Variants in MYH14 observed in about 807,000 individuals in gnomAD.
MYH14 encodes the protein myosin-14.
Under a neutral mutation model 255.5 loss-of-function variants are expected in MYH14, and 123 were observed. That is an observed-to-expected ratio of 0.48 (90% confidence interval 0.42 to 0.56). The LOEUF is 0.56. Ranked by LOEUF, MYH14 falls within the 20% of genes least tolerant of loss-of-function variation. The pLI is 0.00. For missense variants in MYH14, 2,423 were observed against 2,802.3 expected (o/e 0.86, Z 3.06); for synonymous variants, 1,095 against 1,161.2 (o/e 0.94, Z 1.16).
At chr19:50,298,871 C>T (rs2036377069) in intron 39 of MYH14, among the ~76,000 whole-genome samples, 1 of 152,060 alleles carries the variant, frequency 6.6e-6, no homozygotes, top group Non-Finnish European at 1.5e-5. Context: ...TGCTTGAGAC[C>T]AAGAGTTCAA....
At chr19:50,275,865 C>A in intron 27 of MYH14, 126 bp from the exon 28 acceptor site, 1 of 702,478 alleles carries the variant, frequency 1.4e-6, no homozygotes, top group Non-Finnish European at 2.4e-6. Context: ...TGCCCAGTGG[C>A]AGAGAGAGGA....
At chr19:50,219,174 C>A (rs1023825649) in intron 3 of MYH14, among the ~76,000 whole-genome samples, 1 of 148,164 alleles carries the variant, frequency 6.7e-6, no homozygotes, top group Non-Finnish European at 1.5e-5. Flanking sequence ...CACAGTTTAT[C>A]TACTCGTTGG....
chr19:50,259,771 G>A (rs11084009), intron 19 of MYH14, among the ~76,000 whole-genome samples: 69,414 of 151,904 alleles, frequency 0.46, 16,325 homozygotes, highest in Admixed American at 0.59. Flanking sequence ...CCAGCTACTC[G>A]GGAGGCTGAG....
rs2034449009 is a variant in MYH14, at chr19:50,252,720, A to G, written c.1912A>G (p.Thr638Ala). 1.3e-6 allele frequency: 2 copies of G among 1,599,330 alleles called. No individual in the cohort carries two copies. Among genetic ancestry groups the G allele is most frequent in the Non-Finnish European group, 1.7e-6 (2 of 1,173,326 alleles). ...CGTCGCAGCCTTGCTCCACCAGAGC[A>G]CAGACCGGCTGACGGCAGAGATCTG... ...DNVAALLHQS[T>A]DRLTAEIWKD... Residue 638 changes from threonine to alanine, a missense_variant, in exon 16 of 43, where the codon ACA (threonine) becomes GCA (alanine). Thr to Ala is a moderately conservative substitution (Grantham distance 58). Transcript: ENST00000642316. This position sits in a 1 kb window ranked among gnomAD's most constrained non-coding sequence, Gnocchi z 4.2.
At chr19:50,245,192 G>A (rs2034053884) in intron 11 of MYH14, among the ~76,000 whole-genome samples, 1 of 151,984 alleles carries the variant, frequency 6.6e-6, no homozygotes, top group Non-Finnish European at 1.5e-5. Context: ...GCCAAGGCAG[G>A]CAGATCACTT....
intron 21 of MYH14, 105 bp from the exon 22 acceptor site, chr19:50,263,207 A>C: frequency 1.2e-6 from 1 of 805,988 alleles, no homozygotes; most frequent in Non-Finnish European, 1.8e-6. Context: ...TCAGAAAAAC[A>C]AACAAACAAA....
chr19:50,235,349 C>T (rs548260787), intron 10 of MYH14, among the ~76,000 whole-genome samples: 2 of 149,450 alleles, frequency 1.3e-5, no homozygotes, highest in African/African-American at 2.5e-5. Context: ...GAGCGAGACT[C>T]CATCCAAAAA....
intron 20 of MYH14, 62 bp downstream of exon 20, chr19:50,260,777 G>T (rs549675952): frequency 6.5e-6 from 8 of 1,223,428 alleles, no homozygotes; most frequent in Non-Finnish European, 9.4e-6. Flanking sequence ...ATGAGTGTGC[G>T]TGCATGTGTG....
In MYH14 at chr19:50,309,318, G is replaced by A. The variant is rs1418945626; in HGVS notation, c.5960+141G>A. 9 of 846,308 alleles carry A rather than the reference G, an allele frequency of 1.1e-5. No individual in the cohort carries two copies. In the East Asian group the frequency reaches 2.3e-4, roughly 21 times the overall value. 52.4% of individuals were successfully genotyped at this position (846,308 alleles called of 1,614,324 possible). ...GTGGGGCTGTGGGAGCAGCGGCTGTGTTGCGGGAGAGCCAAATCCAGGTAA... is the reference window on the plus strand; with the variant it reads ...GTGGGGCTGTGGGAGCAGCGGCTGTATTGCGGGAGAGCCAAATCCAGGTAA... On this transcript the variant is annotated intron_variant, in intron 42 of 42. Coordinates refer to ENST00000642316, the MANE Select transcript of MYH14 (RefSeq NM_001145809.2).
At chr19:50,238,576 C>G (rs547377520) in intron 10 of MYH14, among the ~76,000 whole-genome samples, 1 of 152,002 alleles carries the variant, frequency 6.6e-6, no homozygotes, top group East Asian at 1.9e-4. Context: ...TTCAGCCTCC[C>G]GAGCAGCTGA....
intron 1 of MYH14, 119 bp from the exon 2 acceptor site, chr19:50,210,244 A>G: frequency 1.1e-6 from 1 of 910,872 alleles, no homozygotes; most frequent in South Asian, 1.9e-5. Flanking sequence ...TTGCAGAAGT[A>G]TGGCAAGAGG....
chr19:50,271,587 G>A lies in MYH14; in HGVS notation c.3171+41G>A, dbSNP rs774931624. The A allele has an allele frequency of 6.9e-6, 11 of 1,585,762 alleles. No individual in the cohort carries two copies. The African/African-American group carries it at 8.1e-5, about 12-fold the overall frequency. On this transcript the variant is annotated intron_variant, in intron 25 of 42. Transcript: ENST00000642316. ...GCAGCTGGGAAAGTGGGGATGGGGT[G>A]CATTGGTGGGTTAATGAATGGTGAA...
At chr19:50,254,444 G>A (rs1212470111) in intron 16 of MYH14, among the ~76,000 whole-genome samples, 25 of 152,126 alleles carry the variant, frequency 1.6e-4, no homozygotes, top group Admixed American at 1.6e-3. Context: ...TCATCTCCCG[G>A]CTGAAAATCT....
Position 50,210,566 on chromosome 19 carries a change from G to A in MYH14, c.201G>A (p.Ala67=), listed in dbSNP as rs2032130537. The change falls in exon 2 of 43, where the codon GCG becomes GCA. Residue 67 remains alanine, a synonymous_variant. Transcript: ENST00000642316. Reference sequence around the variant, plus strand: ...CTTCGGAGCTTCACGGGTTCGAGGCGGCGGCGCTGCGGGACGAAGGCGAGG... The same window carrying A: ...CTTCGGAGCTTCACGGGTTCGAGGCAGCGGCGCTGCGGGACGAAGGCGAGG... ...WVPSELHGFE[A]AALRDEGEEE... is the part of the protein sequence containing the mutation. 6 of 1,581,190 alleles carry A rather than the reference G, an allele frequency of 3.8e-6. No homozygotes were observed. Among genetic ancestry groups the A allele is most frequent in the East Asian group, 2.3e-5 (1 of 42,974 alleles).
At chr19:50,246,383 C>T (rs1216119759) in intron 11 of MYH14, among the ~76,000 whole-genome samples, 3 of 152,054 alleles carry the variant, frequency 2.0e-5, no homozygotes, top group East Asian at 1.9e-4. Flanking sequence ...TCAGGTGATC[C>T]GCCCACCTTG....
intron 34 of MYH14, among the ~76,000 whole-genome samples, chr19:50,288,785 C>T (rs2035973097): frequency 6.6e-6 from 1 of 152,060 alleles, no homozygotes; most frequent in Non-Finnish European, 1.5e-5. Context: ...GGCCCCAGTG[C>T]CAGGAGCATG....
At chr19:50,292,558 A>G (rs62113882) in intron 37 of MYH14, among the ~76,000 whole-genome samples, 169 bp downstream of exon 37, 3 of 45,306 alleles carry the variant, frequency 6.6e-5, no homozygotes, top group Non-Finnish European at 1.2e-4. Context: ...CTGGATGTGA[A>G]GCTGGGGAGG....
intron 24 of MYH14, among the ~76,000 whole-genome samples, chr19:50,269,171 TG>T (rs1018650410): frequency 7.2e-5 from 11 of 152,158 alleles, no homozygotes; most frequent in Non-Finnish European, 1.6e-4. Context: ...AGCTCAGTAA[TG>T]TTTTTTTGTT....
At chr19:50,215,231 G>A (rs1219868034) in intron 2 of MYH14, among the ~76,000 whole-genome samples, 5 of 152,264 alleles carry the variant, frequency 3.3e-5, no homozygotes, top group East Asian at 1.9e-4. Flanking sequence ...GGAGGGTGGC[G>A]TGGGGAGTGG....
Sources: allele counts gnomAD v4.1 joint callset (sites outside exome capture counted in the v4.1 genomes callset), GRCh38; gene constraint gnomAD v4.1.1; non-coding constraint Gnocchi (gnomAD v3.1); transcripts MANE v1.5; gene names NCBI Gene and HGNC (gene_info 2026-07-23, HGNC 2026-07-21).